Variants in ALDH5A1 observed in about 807,000 individuals in gnomAD.
The protein encoded by ALDH5A1 is aldehyde dehydrogenase 5 family member A1.
A neutral mutation model predicts 54.7 loss-of-function variants in ALDH5A1; 33 were observed. The observed-to-expected ratio is 0.60, with a 90% CI of 0.46 to 0.81. ALDH5A1 has a LOEUF of 0.81. Among genes scored for constraint, ALDH5A1 ranks in the 30% least tolerant of loss-of-function variants. The pLI is 0.00. For missense variants in ALDH5A1, 657 were observed against 711.0 expected (o/e 0.92, Z 0.86); for synonymous variants, 294 against 292.7 (o/e 1.00, Z -0.05).
Position 24,534,020 on chromosome 6 carries a change from C to T in ALDH5A1, c.*308C>T, listed in dbSNP as rs1016609381. Reference sequence around the variant, plus strand: ...CAGGCACAGCACAAGGCAGGCCCAGCCCCATGGGCCGTCACAAAGGCTTGA... The same window carrying T: ...CAGGCACAGCACAAGGCAGGCCCAGTCCCATGGGCCGTCACAAAGGCTTGA... On this transcript the variant is annotated 3_prime_UTR_variant, in exon 10 of 10. Transcript: ENST00000357578. 3 of 356,334 alleles carry T rather than the reference C, an allele frequency of 8.4e-6. No homozygotes were observed. Among genetic ancestry groups the T allele is most frequent in the Admixed American group, 8.1e-5 (2 of 24,608 alleles). The allele number at this position is 356,334 out of a possible 1,614,324, so 22.1% of individuals were successfully genotyped here.
chr6:24,519,925 CACTT>C (rs4646844), intron 5 of ALDH5A1, among the ~76,000 whole-genome samples: 2 of 152,088 alleles, frequency 1.3e-5, no homozygotes, highest in East Asian at 3.9e-4. Context: ...AATAGATAAA[CACTT>C]ACTTATATGG....
intron 4 of ALDH5A1, among the ~76,000 whole-genome samples, chr6:24,510,659 C>CT (rs1391722089): frequency 6.6e-6 from 1 of 152,090 alleles, no homozygotes; most frequent in Admixed American, 6.6e-5. Context: ...ATTGGAATGC[C>CT]TTTTTCCACC....
At chr6:24,504,715 G>A (rs988263735) in intron 3 of ALDH5A1, among the ~76,000 whole-genome samples, 154 bp from the exon 4 acceptor site, 3 of 152,208 alleles carry the variant, frequency 2.0e-5, no homozygotes, top group South Asian at 2.1e-4. Context: ...GTTGGCGGGG[G>A]GGTCAGGTGT....
chr6:24,502,188 A>C (rs1293466007), intron 1 of ALDH5A1, among the ~76,000 whole-genome samples: 1 of 152,174 alleles, frequency 6.6e-6, no homozygotes, highest in Non-Finnish European at 1.5e-5. Flanking sequence ...GTCCTAGCTC[A>C]TGCAGAGAGT....
intron 2 of ALDH5A1, 86 bp downstream of exon 2, chr6:24,502,692 A>T: frequency 1.1e-6 from 1 of 948,130 alleles, no homozygotes; most frequent in East Asian, 2.6e-5. Flanking sequence ...ACTTCCCTTC[A>T]CTGCTGGCTG....
chr6:24,495,043 G>A lies in ALDH5A1; in HGVS notation c.47G>A (p.Gly16Glu). 7.4e-7 allele frequency: 1 copy of A among 1,359,216 alleles called. No homozygotes were observed. The highest frequency in any genetic ancestry group is 2.1e-5 in the South Asian group (1 of 47,476). 84.2% of individuals were successfully genotyped at this position (1,359,216 alleles called of 1,614,324 possible). A position where few individuals can be genotyped will look rare whatever the true frequency, so the allele number is the denominator to read the frequency against. Residue 16 changes from glycine (G) to glutamate (E), a missense_variant, in exon 1 of 10, where the codon GGG becomes GAG. This residue lies in a region of ALDH5A1 where 232 missense variants were observed against 194.6 expected (regional missense o/e 1.19). Coordinates refer to ENST00000357578, the MANE Select transcript of ALDH5A1 (RefSeq NM_001080.3). The part of the protein sequence containing the change: ...WLRSCGARRL[G>E]STFPGCRLRP... Reference sequence around the variant, plus strand: ...CGGAGCTGTGGGGCCCGGCGCCTCGGGTCGACGTTTCCAGGCTGCCGCCTC... The same window carrying A: ...CGGAGCTGTGGGGCCCGGCGCCTCGAGTCGACGTTTCCAGGCTGCCGCCTC...
intron 6 of ALDH5A1, among the ~76,000 whole-genome samples, chr6:24,521,176 T>C (rs1759677107): frequency 1.3e-5 from 2 of 152,240 alleles, no homozygotes; most frequent in African/African-American, 2.4e-5. Context: ...AGCAGTGTTT[T>C]AGAGGAGCAT....
At position 24,494,995 on chromosome 6, in the gene ALDH5A1, C is replaced by T; in HGVS notation, c.-2C>T. 1.5e-6 allele frequency: 2 copies of T among 1,318,318 alleles called. No homozygotes were observed. The highest frequency in any genetic ancestry group is 2.6e-5 in the South Asian group (1 of 39,060). The allele number at this position is 1,318,318 out of a possible 1,614,324, so 81.7% of individuals were successfully genotyped here. On this transcript the variant is annotated 5_prime_UTR_variant, in exon 1 of 10. Coordinates refer to ENST00000357578, the MANE Select transcript of ALDH5A1 (RefSeq NM_001080.3). ...TTTCCTGTCGCCGTCGTTGCCCGGG[C>T]CATGGCGACCTGCATTTGGCTGCGG...
chr6:24,533,171 A>T (rs1013338293), intron 9 of ALDH5A1, among the ~76,000 whole-genome samples: 6 of 152,176 alleles, frequency 3.9e-5, no homozygotes, highest in Admixed American at 1.3e-4. Context: ...AATACCCACT[A>T]ATGAATTTAA....
At chr6:24,522,703 C>T (rs948909422) in intron 6 of ALDH5A1, 64 bp from the exon 7 acceptor site, 21 of 1,586,072 alleles carry the variant, frequency 1.3e-5, no homozygotes, top group South Asian at 5.6e-5. Flanking sequence ...AGCAGCCACA[C>T]GTTCACTGGT....
chr6:24,503,935 G>T (rs1759259442), intron 3 of ALDH5A1, among the ~76,000 whole-genome samples: 1 of 152,182 alleles, frequency 6.6e-6, no homozygotes. Context: ...CATCTGCCTG[G>T]ATGGGGCTGC....
intron 8 of ALDH5A1, among the ~76,000 whole-genome samples, chr6:24,529,673 T>TTC: frequency 7.3e-6 from 1 of 136,996 alleles, no homozygotes; most frequent in African/African-American, 2.7e-5. Context: ...GGTTTGGGTT[T>TTC]TTTTTTTTTT....
chr6:24,495,476 A>C (rs1471944465), intron 1 of ALDH5A1, 126 bp downstream of exon 1: 1 of 946,304 alleles, frequency 1.1e-6, no homozygotes, highest in Non-Finnish European at 1.5e-6. Flanking sequence ...CAGGGTATAC[A>C]AAGTGGAAAG....
intron 1 of ALDH5A1, among the ~76,000 whole-genome samples, chr6:24,497,599 C>T (rs1382797430): frequency 6.7e-6 from 1 of 148,818 alleles, no homozygotes; most frequent in Non-Finnish European, 1.5e-5. Flanking sequence ...CCACTCGACC[C>T]AGGAAGTCCA....
intron 4 of ALDH5A1, among the ~76,000 whole-genome samples, chr6:24,505,614 C>T (rs75067110): frequency 0.045 from 6,828 of 152,224 alleles, 382 homozygotes; most frequent in African/African-American, 0.14. Context: ...TAACTTGCTT[C>T]TTCACGTCTT....
At chr6:24,522,272 C>A (rs1045448734) in intron 6 of ALDH5A1, among the ~76,000 whole-genome samples, 84 of 152,224 alleles carry the variant, frequency 5.5e-4, no homozygotes, top group Admixed American at 5.5e-3. Context: ...CACTACTGCA[C>A]TCCAGCCTGG....
chr6:24,495,560 C>T (rs1764683949), intron 1 of ALDH5A1, among the ~76,000 whole-genome samples: 1 of 152,204 alleles, frequency 6.6e-6, no homozygotes, highest in Admixed American at 6.5e-5. Flanking sequence ...GGGACACGAC[C>T]CCTGCCCTCA....
At chr6:24,527,855 C>A in intron 7 of ALDH5A1, 142 bp from the exon 8 acceptor site, 1 of 897,728 alleles carries the variant, frequency 1.1e-6, no homozygotes, top group Non-Finnish European at 1.7e-6. Flanking sequence ...GTTCCTTCTA[C>A]AAAAGGAAAC....
chr6:24,532,079 TC>T lies in ALDH5A1; in HGVS notation c.1344-35del, dbSNP rs150771397. ...AAAACAAAACTGGTTTCCTTTCCTC[TC>T]CCCCTTACATTTTTTATGACCTATC... On this transcript the variant is annotated intron_variant, in intron 8 of 9. Transcript: ENST00000357578. 2.2e-3 allele frequency: 3,573 copies of T among 1,589,094 alleles called. 43 individuals carry two copies. The African/African-American group carries it at 0.034, about 15-fold the overall frequency.
Sources: allele counts gnomAD v4.1 joint callset (sites outside exome capture counted in the v4.1 genomes callset), GRCh38; gene constraint gnomAD v4.1.1; regional missense constraint gnomAD v4.1.1; transcripts MANE v1.5; gene names NCBI Gene and HGNC (gene_info 2026-07-23, HGNC 2026-07-21).